KIAA1549: variants seen among roughly 807,000 people sequenced by gnomAD.
KIAA1549 encodes UPF0606 protein KIAA1549.
KIAA1549 carries 70 observed loss-of-function variants against 156.4 expected under a neutral mutation model. The observed-to-expected ratio is 0.45, with a 90% CI of 0.37 to 0.55. The LOEUF (loss-of-function observed/expected upper bound fraction) is 0.55. Ranked by LOEUF, KIAA1549 falls within the 20% of genes least tolerant of loss-of-function variation. The pLI is 0.00. For missense variants in KIAA1549, 2,428 were observed against 2,540.9 expected (o/e 0.96, Z 0.96); for synonymous variants, 1,103 against 1,066.4 (o/e 1.03, Z -0.67).
Position 138,852,243 on chromosome 7 carries a change from G to A in KIAA1549, c.5274C>T (p.Pro1758=). ...CTTACCTTGGCAATGGACCCGTCGGGGGAGTCATTCCATAGTCTTCGTATC... is the reference window on the plus strand; with the variant it reads ...CTTACCTTGGCAATGGACCCGTCGGAGGAGTCATTCCATAGTCTTCGTATC... The part of the protein sequence containing the change: ...CSRYEDYGMT[P]PTGPLPRPGF... Residue 1758 remains proline (P), a synonymous_variant, in exon 17 of 20, where the codon CCC becomes CCT. Coordinates refer to ENST00000422774, the MANE Select transcript of KIAA1549 (RefSeq NM_001164665.2). 2 of 1,610,506 alleles carry A rather than the reference G, an allele frequency of 1.2e-6. No homozygotes were observed. Among genetic ancestry groups the A allele is most frequent in the South Asian group, 1.1e-5 (1 of 90,574 alleles).
intron 16 of KIAA1549, among the ~76,000 whole-genome samples, chr7:138,858,758 A>G (rs2130361613): frequency 1.3e-5 from 2 of 152,272 alleles, no homozygotes; most frequent in Middle Eastern, 3.4e-3. Context: ...CAGAAACTCC[A>G]GCACTTTGGG....
At chr7:138,854,582 A>C (rs543016495) in intron 16 of KIAA1549, among the ~76,000 whole-genome samples, 1 of 152,274 alleles carries the variant, frequency 6.6e-6, no homozygotes, top group Non-Finnish European at 1.5e-5. Flanking sequence ...GCAGCAAATA[A>C]GAGAGTGATC....
intron 15 of KIAA1549, among the ~76,000 whole-genome samples, chr7:138,866,472 G>A (rs1200025812): frequency 6.6e-6 from 1 of 152,184 alleles, no homozygotes; most frequent in Non-Finnish European, 1.5e-5. Context: ...CCTTCTCAAA[G>A]GCTGTGCTTT....
chr7:138,842,489 C>G (rs1243375380), intron 18 of KIAA1549, among the ~76,000 whole-genome samples: 1 of 152,178 alleles, frequency 6.6e-6, no homozygotes, highest in Non-Finnish European at 1.5e-5. Context: ...GAGTTCACGA[C>G]CAGCCTAGCC....
At chr7:138,864,226 G>A (rs1290697110) in intron 15 of KIAA1549, among the ~76,000 whole-genome samples, 3 of 152,210 alleles carry the variant, frequency 2.0e-5, no homozygotes, top group African/African-American at 7.2e-5. Context: ...ATTCCACTGT[G>A]GGAAACGATC....
chr7:138,964,573 G>GCCC (rs1813956683), intron 1 of KIAA1549, among the ~76,000 whole-genome samples: 1 of 152,186 alleles, frequency 6.6e-6, no homozygotes, highest in African/African-American at 2.4e-5. Flanking sequence ...TCCCAGCTCA[G>GCCC]CCCCTGAGAC....
Position 138,917,290 on chromosome 7 carries a change from A to T in KIAA1549, c.2336T>A (p.Ile779Asn). 1 of 1,613,874 alleles carries T rather than the reference A, an allele frequency of 6.2e-7. No individual in the cohort carries two copies. Among genetic ancestry groups the T allele is most frequent in the Non-Finnish European group, 8.5e-7 (1 of 1,179,838 alleles). Residue 779 changes from isoleucine to asparagine, a missense_variant, in exon 2 of 20, where the codon ATT becomes AAT. Transcript: ENST00000422774. ...LVPPGSESFD[I>N]LTAGIQATSP... ...TGTTGCTTGAATCCCGGCAGTCAAA[A>T]TGTCAAAAGACTCAGAGCCGGGGGG... is the stretch of plus-strand genomic sequence containing the variant.
rs1191900986 is a variant in KIAA1549, at chr7:138,831,697, G to A, written c.*6209C>T. Reference sequence around the variant, plus strand: ...TGCTCTGCACATTTCGTACATTAACGCTCATAATCTAGGGATGAGTGTGCA... The same window carrying A: ...TGCTCTGCACATTTCGTACATTAACACTCATAATCTAGGGATGAGTGTGCA... On this transcript the variant is annotated 3_prime_UTR_variant, in exon 20 of 20. Transcript: ENST00000422774. 1 of 230,664 alleles carries A rather than the reference G, an allele frequency of 4.3e-6. No homozygotes were observed. Among genetic ancestry groups the A allele is most frequent in the Non-Finnish European group, 8.6e-6 (1 of 116,402 alleles). The allele number at this position is 230,664 out of a possible 1,614,324, so 14.3% of individuals were successfully genotyped here.
At chr7:138,936,360 G>A (rs1425449888) in intron 1 of KIAA1549, among the ~76,000 whole-genome samples, 2 of 152,028 alleles carry the variant, frequency 1.3e-5, no homozygotes, top group African/African-American at 2.4e-5. Flanking sequence ...GTGCCTGTAA[G>A]CCAGGTCCTG....
chr7:138,844,531 C>A, intron 17 of KIAA1549, 57 bp from the exon 18 acceptor site: 2 of 1,429,162 alleles, frequency 1.4e-6, no homozygotes. Context: ...CCTTGGTATT[C>A]CATGAGGTCC....
At chr7:138,877,428 A>C (rs959851500) in intron 12 of KIAA1549, among the ~76,000 whole-genome samples, 1 of 152,212 alleles carries the variant, frequency 6.6e-6, no homozygotes, top group Non-Finnish European at 1.5e-5. Context: ...TGGGAGGCAG[A>C]GGTTGCAGTG....
intron 15 of KIAA1549, among the ~76,000 whole-genome samples, chr7:138,865,192 G>A (rs1810701476): frequency 6.6e-6 from 1 of 151,982 alleles, no homozygotes; most frequent in Non-Finnish European, 1.5e-5. Context: ...TTGCACCACT[G>A]CACTCCAGCC....
chr7:138,977,422 C>A (rs1814410826), intron 1 of KIAA1549, among the ~76,000 whole-genome samples: 1 of 152,142 alleles, frequency 6.6e-6, no homozygotes, highest in Non-Finnish European at 1.5e-5. Flanking sequence ...AAGTAACATT[C>A]AATGCCAGTG....
In KIAA1549 at chr7:138,894,504, C is replaced by T. The variant is rs1389609981; in HGVS notation, c.3870G>A (p.Pro1290=). The stretch of plus-strand genomic sequence containing the variant: ...AGTTGTTGCTCTGGGATTCCGGAGA[C>T]GGCCTCTTCACCCTGTCGACAGCTG... ...IAQPVDRVKR[P]SPESQSNNLW... is the part of the protein sequence containing the mutation. The change falls in exon 10 of 20, where the codon CCG becomes CCA. Residue 1290 remains proline, a synonymous_variant. Transcript: ENST00000422774. 22 of 1,613,852 alleles carry T rather than the reference C, an allele frequency of 1.4e-5. No homozygotes were observed. The highest frequency in any genetic ancestry group is 1.7e-5 in the Admixed American group (1 of 59,996).
rs951350977 is a variant in KIAA1549 at position 138,834,734 on chromosome 7, C to T, written c.*3172G>A. 1.3e-5 allele frequency: 3 copies of T among 232,544 alleles called. No individual in the cohort carries two copies. Among genetic ancestry groups the T allele is most frequent in the South Asian group, 1.8e-4 (1 of 5,524 alleles). The allele number at this position is 232,544 out of a possible 1,614,324, so 14.4% of individuals were successfully genotyped here. A position where few individuals can be genotyped will look rare whatever the true frequency, so the allele number is the denominator to read the frequency against. On this transcript the variant is annotated 3_prime_UTR_variant, in exon 20 of 20. Transcript: ENST00000422774. Reference sequence around the variant, plus strand: ...ATTACCCATGTGTGAACCCATTCACCGCAGTAGTGCAGCGTTTCACATCAC... The same window carrying T: ...ATTACCCATGTGTGAACCCATTCACTGCAGTAGTGCAGCGTTTCACATCAC...
chr7:138,949,309 T>C (rs190928258), intron 1 of KIAA1549, among the ~76,000 whole-genome samples: 15 of 152,300 alleles, frequency 9.8e-5, no homozygotes, highest in African/African-American at 3.4e-4. Flanking sequence ...CTCCATGTCA[T>C]GGGATTTGTC....
At chr7:138,947,506 A>AAGC (rs1261544899) in intron 1 of KIAA1549, among the ~76,000 whole-genome samples, 1 of 152,116 alleles carries the variant, frequency 6.6e-6, no homozygotes, top group Non-Finnish European at 1.5e-5. Flanking sequence ...AAAAATTCCC[A>AAGC]AGCACACCTC....
chr7:138,844,281 G>A (rs755575951), intron 18 of KIAA1549, 36 bp downstream of exon 18: 4 of 1,612,742 alleles, frequency 2.5e-6, no homozygotes, highest in South Asian at 2.2e-5. Flanking sequence ...TAAATGTCCC[G>A]TAGCTCAGAA....
At chr7:138,956,449 A>C (rs1315995117) in intron 1 of KIAA1549, among the ~76,000 whole-genome samples, 1 of 152,226 alleles carries the variant, frequency 6.6e-6, no homozygotes, top group African/African-American at 2.4e-5. Flanking sequence ...TGTAGCTCCC[A>C]TAATTCCCAT....
Sources: gnomAD v4.1 joint callset for allele counts (sites outside exome capture counted in the v4.1 genomes callset) on GRCh38, gnomAD v4.1.1 for gene constraint, MANE v1.5 for transcripts, NCBI Gene and HGNC (gene_info 2026-07-23, HGNC 2026-07-21) for gene names.